The following SIRT4 variants were observed in gnomAD, a reference collection of about 807,000 sequenced individuals.
The protein encoded by SIRT4 is NAD-dependent protein lipoamidase sirtuin-4, mitochondrial.
A neutral mutation model predicts 26.1 loss-of-function variants in SIRT4; 23 were observed. That is an observed-to-expected ratio of 0.88 (90% CI 0.63 to 1.25). The LOEUF (loss-of-function observed/expected upper bound fraction) is 1.25. Among genes scored for constraint, SIRT4 ranks in the 50% most tolerant of loss-of-function variants. SIRT4 has a pLI of 0.00. For synonymous variants in SIRT4, 155 were observed against 158.4 expected, an observed-to-expected ratio of 0.98 and a Z score of 0.16; for missense variants, 361 against 405.4, an observed-to-expected ratio of 0.89 and a Z score of 0.94.
chr12:120,312,358 G>A, intron 2 of SIRT4, 98 bp from the exon 3 acceptor site: 1 of 1,127,344 alleles, frequency 8.9e-7, no homozygotes, highest in Non-Finnish European at 1.3e-6. Context: ...AAAGAAAGCA[G>A]CGATGGAAGG....
chr12:120,310,240 C>T (rs918583880), intron 2 of SIRT4, among the ~76,000 whole-genome samples: 1 of 151,954 alleles, frequency 6.6e-6, no homozygotes, highest in Non-Finnish European at 1.5e-5. Context: ...GTGGCAGGCG[C>T]CTGTAATCCC....
intron 1 of SIRT4, among the ~76,000 whole-genome samples, chr12:120,303,235 G>A (rs1324045078): frequency 1.3e-5 from 2 of 151,662 alleles, no homozygotes; most frequent in East Asian, 2.0e-4. Flanking sequence ...ATTCCAGCAC[G>A]TTGGGAGGCC....
intron 2 of SIRT4, among the ~76,000 whole-genome samples, chr12:120,311,894 G>A (rs1387464292): frequency 2.6e-5 from 4 of 152,046 alleles, no homozygotes; most frequent in Admixed American, 1.3e-4. Context: ...AAAAACGCAG[G>A]TTTGGGCATT....
chr12:120,298,996 G>A (rs1438510048), upstream of SIRT4, among the ~76,000 whole-genome samples: 2 of 150,564 alleles, frequency 1.3e-5, no homozygotes. Flanking sequence ...GGAGGCTGAG[G>A]CGGGCGGATC....
the SIRT4 span, chr12:120,291,898 A>G: frequency 6.6e-6 from 1 of 152,236 alleles, no homozygotes; most frequent in Non-Finnish European, 1.5e-5. Context: ...GCCACTGCGC[A>G]AAGCTGGAAA....
intron 2 of SIRT4, among the ~76,000 whole-genome samples, chr12:120,304,956 C>G (rs1230849402): frequency 1.3e-5 from 2 of 150,210 alleles, no homozygotes; most frequent in East Asian, 3.9e-4. Context: ...GAGTTCAAGA[C>G]CAATCTGGTC....
At chr12:120,292,939 A>G in the SIRT4 span, among the ~76,000 whole-genome samples, 520 of 152,316 alleles carry the variant, frequency 3.4e-3, 3 homozygotes, top group Middle Eastern at 0.024. Context: ...AATCACTAAA[A>G]CAGGTAAACT....
chr12:120,302,633 A>C (rs991241536), intron 1 of SIRT4, among the ~76,000 whole-genome samples: 1 of 152,164 alleles, frequency 6.6e-6, no homozygotes, highest in Non-Finnish European at 1.5e-5. Context: ...AGCCAAACAT[A>C]AAATAATGTT....
chr12:120,313,082 A>C lies in SIRT4; in HGVS notation c.*46A>C, dbSNP rs1873059657. ...ACCTGGAACAGGGACTTTCACTTGA[A>C]TCTTGCTGCTAAATGTAAATGCCTT... is the stretch of plus-strand genomic sequence containing the variant. On this transcript the variant is annotated 3_prime_UTR_variant, in exon 4 of 4. Transcript: ENST00000202967. The C allele has an allele frequency of 1.9e-6, 3 of 1,609,238 alleles. No homozygotes were observed. In the South Asian group the frequency reaches 3.3e-5, roughly 18 times the overall value.
chr12:120,308,481 C>T (rs940343293), intron 2 of SIRT4, among the ~76,000 whole-genome samples: 6 of 152,048 alleles, frequency 3.9e-5, no homozygotes, highest in Non-Finnish European at 7.4e-5. Context: ...CCCAAGAAAG[C>T]TTTTATGGGT....
At chr12:120,307,210 G>T (rs1872774557) in intron 2 of SIRT4, among the ~76,000 whole-genome samples, 1 of 152,146 alleles carries the variant, frequency 6.6e-6, no homozygotes, top group African/African-American at 2.4e-5. Context: ...CAAAGTATAG[G>T]CTGGGCTCAG....
chr12:120,301,485 A>T (rs1872544597), upstream of SIRT4, among the ~76,000 whole-genome samples: 2 of 152,236 alleles, frequency 1.3e-5, no homozygotes. Flanking sequence ...GAAAAGGATC[A>T]CAAACTCTGA....
At chr12:120,295,357 G>A in the SIRT4 span, among the ~76,000 whole-genome samples, 1 of 147,912 alleles carries the variant, frequency 6.8e-6, no homozygotes, top group Non-Finnish European at 1.5e-5. Context: ...TGGGATGACA[G>A]GTATGCGCCA....
In SIRT4 at chr12:120,308,695, T is replaced by G. The variant is rs1872841870; in HGVS notation, c.498-3761T>G. The stretch of plus-strand genomic sequence containing the variant: ...GAAAATCAGGCAGTGCAGTTGGGTC[T>G]GCTGTGAGACACCAAAGGGGTTTAT... On this transcript the variant is annotated intron_variant, in intron 2 of 3. Coordinates refer to ENST00000202967, the MANE Select transcript of SIRT4 (RefSeq NM_012240.3). 2.0e-5 allele frequency among the ~76,000 whole-genome samples: 3 copies of G among 152,314 alleles called. No individual in the cohort carries two copies. The South Asian group carries it at 6.2e-4, about 32-fold the overall frequency.
chr12:120,293,242 T>C, the SIRT4 span: 21 of 152,304 alleles, frequency 1.4e-4, no homozygotes, highest in African/African-American at 3.6e-4. Context: ...AAAGCTAATT[T>C]GTTACGCCCC....
the SIRT4 span, chr12:120,293,060 A>T: frequency 7.4e-6 from 1 of 136,008 alleles, no homozygotes; most frequent in Non-Finnish European, 1.6e-5. Context: ...CACACACACA[A>T]AAAAAGCCTC....
chr12:120,296,973 C>T, the SIRT4 span, among the ~76,000 whole-genome samples: 41 of 144,890 alleles, frequency 2.8e-4, no homozygotes, highest in Admixed American at 1.4e-3. Flanking sequence ...GCCTGTAATC[C>T]CAGCACTTTG....
the SIRT4 span, among the ~76,000 whole-genome samples, chr12:120,294,618 G>A: frequency 2.0e-5 from 3 of 151,974 alleles, no homozygotes; most frequent in African/African-American, 4.8e-5. Context: ...GCAGTGGCGC[G>A]ATCTCAGCTC....
chr12:120,300,061 C>T (rs1161753245), upstream of SIRT4, among the ~76,000 whole-genome samples: 1 of 151,986 alleles, frequency 6.6e-6, no homozygotes, highest in Non-Finnish European at 1.5e-5. Context: ...AAAGCAAGAG[C>T]TTTCCTTGAG....
Sources: gnomAD v4.1 joint callset for allele counts (sites outside exome capture counted in the v4.1 genomes callset) on GRCh38, gnomAD v4.1.1 for gene constraint, MANE v1.5 for transcripts, NCBI Gene and HGNC (gene_info 2026-07-23, HGNC 2026-07-21) for gene names.